C12orf42: variants seen among roughly 807,000 people sequenced by gnomAD.
C12orf42 encodes the protein uncharacterized protein C12orf42.
C12orf42 carries 25 observed loss-of-function variants against 21.6 expected under a neutral mutation model. The ratio of observed to expected loss-of-function variants is 1.16; its 90% CI spans 0.84 to 1.62. The LOEUF is 1.62. Ranked by LOEUF, C12orf42 falls within the 40% of genes most tolerant of loss-of-function variation. The pLI is 0.00. For missense variants in C12orf42, 483 were observed against 459.3 expected, an observed-to-expected ratio of 1.05 and a Z score of -0.47; for synonymous variants, 174 against 175.0, an observed-to-expected ratio of 0.99 and a Z score of 0.05.
chr12:103,274,983 A>G (rs528024462), intron 5 of C12orf42, among the ~76,000 whole-genome samples: 57 of 152,264 alleles, frequency 3.7e-4, no homozygotes, highest in African/African-American at 1.3e-3. Context: ...CATTCATGAG[A>G]AAAGAGATGA....
chr12:103,493,641 A>G (rs992823741), intron 1 of C12orf42, among the ~76,000 whole-genome samples: 1 of 150,910 alleles, frequency 6.6e-6, no homozygotes, highest in Non-Finnish European at 1.5e-5. Context: ...TTACATCTTC[A>G]TATTTTTGCC....
intron 2 of C12orf42, among the ~76,000 whole-genome samples, chr12:103,444,784 A>G (rs749004755): frequency 6.6e-6 from 1 of 151,996 alleles, no homozygotes; most frequent in Non-Finnish European, 1.5e-5. Context: ...GTTGACTGTC[A>G]TACCTTCTTT....
the C12orf42 span, among the ~76,000 whole-genome samples, chr12:103,537,681 C>T: frequency 1.3e-5 from 2 of 152,214 alleles, no homozygotes; most frequent in Admixed American, 1.3e-4. Flanking sequence ...GAAGGACTGA[C>T]CTCATTCTCC....
chr12:103,495,372 G>A (rs566134961), intron 1 of C12orf42, among the ~76,000 whole-genome samples: 28 of 152,192 alleles, frequency 1.8e-4, no homozygotes, highest in South Asian at 6.2e-4. Flanking sequence ...AGAGCAAGGC[G>A]GGGCGTGCCC....
chr12:103,066,730 T>C, the C12orf42 span, among the ~76,000 whole-genome samples: 1,621 of 152,250 alleles, frequency 0.011, 13 homozygotes, highest in South Asian at 0.019. Flanking sequence ...AGAAGCATGA[T>C]TGGAAAATTG....
the C12orf42 span, among the ~76,000 whole-genome samples, chr12:103,202,522 TG>T: frequency 1.3e-5 from 2 of 152,312 alleles, no homozygotes; most frequent in East Asian, 3.9e-4. Flanking sequence ...TGAGTCTAAC[TG>T]GAAAATCTGG....
the C12orf42 span, among the ~76,000 whole-genome samples, chr12:103,086,296 A>T: frequency 6.6e-6 from 1 of 151,978 alleles, no homozygotes; most frequent in African/African-American, 2.4e-5. Context: ...TTCCTAATTT[A>T]ACACATTTTT....
At chr12:103,458,465 T>C (rs1171483058) in intron 2 of C12orf42, among the ~76,000 whole-genome samples, 1 of 152,124 alleles carries the variant, frequency 6.6e-6, no homozygotes, top group East Asian at 1.9e-4. Context: ...TTACCCAGGG[T>C]GTGATGCTGG....
chr12:103,420,154 G>C (rs574390123), intron 2 of C12orf42, among the ~76,000 whole-genome samples: 2 of 152,178 alleles, frequency 1.3e-5, no homozygotes, highest in African/African-American at 4.8e-5. Flanking sequence ...GTAAACATAT[G>C]TTTTTTCAAT....
the C12orf42 span, chr12:103,178,370 C>T: frequency 6.6e-6 from 1 of 152,208 alleles, no homozygotes; most frequent in Non-Finnish European, 1.5e-5. Context: ...AGAAAATAAG[C>T]TGCCTCGTTA....
the C12orf42 span, among the ~76,000 whole-genome samples, chr12:103,201,709 C>T: frequency 5.3e-5 from 8 of 152,170 alleles, no homozygotes; most frequent in African/African-American, 1.7e-4. Flanking sequence ...CTATGCTTCT[C>T]ATCTTCAAGC....
the C12orf42 span, among the ~76,000 whole-genome samples, chr12:103,537,928 T>C: frequency 6.6e-6 from 1 of 152,246 alleles, no homozygotes; most frequent in Non-Finnish European, 1.5e-5. Flanking sequence ...TTTGTGGCTG[T>C]ATTTCTATTA....
chr12:103,475,125 T>C (rs1410266149), intron 2 of C12orf42, among the ~76,000 whole-genome samples: 2 of 152,202 alleles, frequency 1.3e-5, no homozygotes, highest in Admixed American at 6.5e-5. Flanking sequence ...CCATCTTCCA[T>C]TGAGAAGACA....
chr12:103,530,011 C>T, the C12orf42 span, among the ~76,000 whole-genome samples: 4 of 152,108 alleles, frequency 2.6e-5, no homozygotes, highest in African/African-American at 2.4e-5. Flanking sequence ...TTAGTCAATA[C>T]GCTTAAGGCA....
chr12:103,109,763 A>G, the C12orf42 span, among the ~76,000 whole-genome samples: 2 of 151,808 alleles, frequency 1.3e-5, no homozygotes, highest in Non-Finnish European at 2.9e-5. Context: ...GAAGCCACAG[A>G]TTTTTTAAAA....
At chr12:103,370,034 C>G (rs1593658441) in intron 3 of C12orf42, among the ~76,000 whole-genome samples, 1 of 151,832 alleles carries the variant, frequency 6.6e-6, no homozygotes, top group African/African-American at 2.4e-5. Context: ...AATTTACAAG[C>G]AAAAAACAAA....
At chr12:103,149,122 T>A in the C12orf42 span, among the ~76,000 whole-genome samples, 1 of 152,044 alleles carries the variant, frequency 6.6e-6, no homozygotes, top group East Asian at 1.9e-4. Flanking sequence ...TGGGGTCCAA[T>A]GGAAGCAAAA....
At chr12:103,206,964 C>T in the C12orf42 span, among the ~76,000 whole-genome samples, 1 of 152,166 alleles carries the variant, frequency 6.6e-6, no homozygotes, top group African/African-American at 2.4e-5. Flanking sequence ...GAGATTATGT[C>T]ACTGTGCCTC....
chr12:103,488,709 ATC>A (rs1452842781), intron 1 of C12orf42, among the ~76,000 whole-genome samples: 1 of 152,180 alleles, frequency 6.6e-6, no homozygotes, highest in Non-Finnish European at 1.5e-5. Context: ...TTGATCTTCA[ATC>A]TCTGATACCG....
Sources: allele counts gnomAD v4.1 joint callset (sites outside exome capture counted in the v4.1 genomes callset), GRCh38; gene constraint gnomAD v4.1.1; transcripts MANE v1.5; gene names NCBI Gene and HGNC (gene_info 2026-07-23, HGNC 2026-07-21).